Variants in WDFY2 observed in about 807,000 individuals in gnomAD.
WDFY2 encodes WD repeat and FYVE domain containing 2, also known as WD repeat and FYVE domain-containing protein 2.
A neutral mutation model predicts 56.4 loss-of-function variants in WDFY2; 36 were observed. That is an observed-to-expected ratio of 0.64 (90% CI 0.49 to 0.84). WDFY2 has a LOEUF of 0.84. Among genes scored for constraint, WDFY2 ranks in the 40% least tolerant of loss-of-function variants. WDFY2 has a pLI of 0.00. For missense variants in WDFY2, 444 were observed against 512.2 expected (o/e 0.87, Z 1.29); for synonymous variants, 176 against 183.7 (o/e 0.96, Z 0.34).
Position 51,708,323 on chromosome 13 carries a change from C to G in WDFY2, c.334+4673C>G, listed in dbSNP as rs536896829. ...CCTGGGCAACACAGCAAGACCCCAT[C>G]TCTAAAAAAAAAAAAAAAATACCAA... On this transcript the variant is annotated intron_variant, in intron 4 of 11. Coordinates refer to ENST00000298125, the MANE Select transcript of WDFY2 (RefSeq NM_052950.4). Among the ~76,000 whole-genome samples, 7 of 22,564 alleles carry G rather than the reference C, an allele frequency of 3.1e-4. No individual in the cohort carries two copies. In the South Asian group the frequency reaches 0.021, roughly 67 times the overall value. 14.8% of individuals were successfully genotyped at this position (22,564 alleles called of 152,430 possible). A position where few individuals can be genotyped will look rare whatever the true frequency, so the allele number is the denominator to read the frequency against.
At chr13:51,727,604 A>T in intron 5 of WDFY2, 74 bp from the exon 6 acceptor site, 1 of 1,418,614 alleles carries the variant, frequency 7.0e-7, no homozygotes, top group South Asian at 1.2e-5. Context: ...TTCTTGTTAC[A>T]TTTATGCCCT....
intron 1 of WDFY2, among the ~76,000 whole-genome samples, chr13:51,623,121 G>C (rs1014561807): frequency 6.6e-6 from 1 of 152,018 alleles, no homozygotes; most frequent in Non-Finnish European, 1.5e-5. Context: ...GCCTCCCAAA[G>C]TGCTGGGATT....
intron 1 of WDFY2, among the ~76,000 whole-genome samples, chr13:51,631,508 A>G (rs1199613427): frequency 6.6e-6 from 1 of 152,196 alleles, no homozygotes; most frequent in East Asian, 1.9e-4. Context: ...CTTGTTTATC[A>G]TTAGAACAGT....
chr13:51,677,523 T>G (rs1593404023), intron 3 of WDFY2, among the ~76,000 whole-genome samples: 1 of 152,340 alleles, frequency 6.6e-6, no homozygotes, highest in South Asian at 2.1e-4. Context: ...TATATTCTGT[T>G]TCCTGGTTAT....
At chr13:51,689,738 G>A (rs1189918972) in intron 3 of WDFY2, among the ~76,000 whole-genome samples, 4 of 152,126 alleles carry the variant, frequency 2.6e-5, no homozygotes, top group Non-Finnish European at 5.9e-5. Context: ...CCATTGTTTG[G>A]TAGCCAGTGA....
At chr13:51,742,386 T>C (rs1952994627) in intron 7 of WDFY2, among the ~76,000 whole-genome samples, 1 of 152,036 alleles carries the variant, frequency 6.6e-6, no homozygotes, top group African/African-American at 2.4e-5. Flanking sequence ...ATTTATTCCC[T>C]GTAGCAAGTG....
At chr13:51,679,573 T>C (rs1314284604) in intron 3 of WDFY2, among the ~76,000 whole-genome samples, 1 of 152,146 alleles carries the variant, frequency 6.6e-6, no homozygotes, top group Non-Finnish European at 1.5e-5. Flanking sequence ...TGTGTATGGA[T>C]TTATTGTTGT....
intron 1 of WDFY2, among the ~76,000 whole-genome samples, chr13:51,606,352 TCTAA>T (rs1386715717): frequency 6.6e-6 from 1 of 152,230 alleles, no homozygotes; most frequent in Non-Finnish European, 1.5e-5. Context: ...CAAGAATTTA[TCTAA>T]CTCTTTGTAT....
chr13:51,638,735 C>G (rs1471252826), intron 1 of WDFY2, among the ~76,000 whole-genome samples: 3 of 152,092 alleles, frequency 2.0e-5, no homozygotes, highest in Admixed American at 2.0e-4. Context: ...CACTGCTAAA[C>G]TTTTTGGATT....
At chr13:51,689,752 C>G (rs1427919454) in intron 3 of WDFY2, among the ~76,000 whole-genome samples, 1 of 152,130 alleles carries the variant, frequency 6.6e-6, no homozygotes, top group South Asian at 2.1e-4. Flanking sequence ...CCAGTGAAAC[C>G]TCTTTTCATA....
At chr13:51,629,729 A>G (rs902355015) in intron 1 of WDFY2, among the ~76,000 whole-genome samples, 1 of 151,748 alleles carries the variant, frequency 6.6e-6, no homozygotes, top group African/African-American at 2.4e-5. Flanking sequence ...GAAAGTAGCT[A>G]TGTCACTGTG....
At chr13:51,609,560 A>AAAAAC (rs1243812294) in intron 1 of WDFY2, among the ~76,000 whole-genome samples, 7 of 152,018 alleles carry the variant, frequency 4.6e-5, no homozygotes, top group Admixed American at 6.6e-5. Context: ...TAAGGCATCA[A>AAAAAC]AAAACAAAAC....
chr13:51,630,420 T>C (rs1344342568), intron 1 of WDFY2, among the ~76,000 whole-genome samples: 1 of 152,080 alleles, frequency 6.6e-6, no homozygotes, highest in African/African-American at 2.4e-5. Flanking sequence ...ATTATTATTT[T>C]AGTGAATTTT....
chr13:51,659,028 G>A (rs961291472), intron 1 of WDFY2, among the ~76,000 whole-genome samples: 10 of 152,258 alleles, frequency 6.6e-5, no homozygotes, highest in Admixed American at 4.6e-4. Flanking sequence ...CCAGGTTCAA[G>A]TGATTCTCCT....
At chr13:51,691,261 A>G (rs1378615993) in intron 3 of WDFY2, among the ~76,000 whole-genome samples, 2 of 151,980 alleles carry the variant, frequency 1.3e-5, no homozygotes, top group African/African-American at 2.4e-5. Flanking sequence ...TTAGACATGA[A>G]GTCCTTGCCC....
At chr13:51,734,111 C>T (rs989549945) in intron 6 of WDFY2, among the ~76,000 whole-genome samples, 10 of 152,164 alleles carry the variant, frequency 6.6e-5, no homozygotes, top group Non-Finnish European at 5.9e-5. Context: ...TGGTGTGACA[C>T]TCCCTCTGCT....
intron 1 of WDFY2, 59 bp from the exon 2 acceptor site, chr13:51,660,537 A>G: frequency 6.5e-7 from 1 of 1,530,130 alleles, no homozygotes; most frequent in Non-Finnish European, 9.1e-7. Flanking sequence ...TCTATGTATC[A>G]GCATTTTCCC....
chr13:51,679,310 A>G (rs1282027324), intron 3 of WDFY2, among the ~76,000 whole-genome samples: 1 of 152,218 alleles, frequency 6.6e-6, no homozygotes, highest in Non-Finnish European at 1.5e-5. Flanking sequence ...AGAGAGATAT[A>G]TATATCTTTA....
At chr13:51,728,154 T>G (rs1487919381) in intron 6 of WDFY2, among the ~76,000 whole-genome samples, 1 of 152,194 alleles carries the variant, frequency 6.6e-6, no homozygotes, top group Non-Finnish European at 1.5e-5. Flanking sequence ...CGGTCTGACC[T>G]TGCCCTTCCT....
Sources: gnomAD v4.1 joint callset for allele counts (sites outside exome capture counted in the v4.1 genomes callset) on GRCh38, gnomAD v4.1.1 for gene constraint, MANE v1.5 for transcripts, NCBI Gene and HGNC (gene_info 2026-07-23, HGNC 2026-07-21) for gene names.